Variants in ARHGEF10L observed in about 807,000 individuals in gnomAD.
ARHGEF10L encodes the protein rho guanine nucleotide exchange factor 10-like protein.
ARHGEF10L carries 69 observed loss-of-function variants against 141.2 expected under a neutral mutation model. The observed-to-expected ratio is 0.49, with a 90% confidence interval of 0.40 to 0.60. ARHGEF10L has a LOEUF of 0.60. Ranked by LOEUF, ARHGEF10L falls within the 20% of genes least tolerant of loss-of-function variation. ARHGEF10L has a pLI of 0.00. For synonymous variants in ARHGEF10L, 711 were observed against 718.5 expected, an observed-to-expected ratio of 0.99 and a Z score of 0.17; for missense variants, 1,482 against 1,734.3, an observed-to-expected ratio of 0.85 and a Z score of 2.58.
At position 17,607,554 on chromosome 1, in the gene ARHGEF10L, G is replaced by A. The variant is rs563045512; in HGVS notation, c.434-248G>A. Among the ~76,000 whole-genome samples, 2 of 152,334 alleles carry A rather than the reference G, an allele frequency of 1.3e-5. No homozygotes were observed. The highest frequency in any genetic ancestry group is 4.8e-5 in the African/African-American group (2 of 41,570). ...GTGCTGGGAGCAAAAGGAAGTGAGC[G>A]GGCTTGTGCACGTCTGACCCATTTC... On this transcript the variant is annotated intron_variant, in intron 6 of 28. Transcript: ENST00000361221. This position sits in a 1 kb window ranked among gnomAD's most constrained non-coding sequence, Gnocchi z 4.5.
intron 4 of ARHGEF10L, among the ~76,000 whole-genome samples, chr1:17,592,843 A>G (rs2079680766): frequency 6.6e-6 from 1 of 152,086 alleles, no homozygotes; most frequent in East Asian, 1.9e-4. Context: ...GACGTGAGGC[A>G]TGGCAGATAC....
intron 21 of ARHGEF10L, 49 bp downstream of exon 21, chr1:17,640,351 G>C (rs61764910): frequency 5.3e-6 from 8 of 1,508,178 alleles, no homozygotes; most frequent in Admixed American, 1.9e-5. Flanking sequence ...GGTGTGGAAC[G>C]GGGAGGTTTG....
rs1306474078 is a variant in ARHGEF10L, at chr1:17,619,455, G to A, written c.942+10G>A. 5.7e-6 allele frequency: 9 copies of A among 1,589,510 alleles called. No individual in the cohort carries two copies. Among genetic ancestry groups the A allele is most frequent in the Non-Finnish European group, 7.7e-6 (9 of 1,168,738 alleles). ...CCTGAGCCCTCAGCAGGTCTGTGGG[G>A]GAGTGGGGCAGGTGGGGGTCTGCAG... is the stretch of plus-strand genomic sequence containing the variant. On this transcript the variant is annotated intron_variant, in intron 10 of 28. Coordinates refer to ENST00000361221, the MANE Select transcript of ARHGEF10L (RefSeq NM_018125.4). This position sits in a 1 kb window ranked among gnomAD's most constrained non-coding sequence, Gnocchi z 5.0.
intron 8 of ARHGEF10L, among the ~76,000 whole-genome samples, chr1:17,614,598 C>A (rs986595955): frequency 3.3e-5 from 5 of 152,020 alleles, no homozygotes; most frequent in African/African-American, 1.2e-4. Flanking sequence ...GGGTGTGACC[C>A]CCTCCTCCCA....
At chr1:17,608,865 C>T (rs1052369671) in intron 7 of ARHGEF10L, among the ~76,000 whole-genome samples, 2 of 152,120 alleles carry the variant, frequency 1.3e-5, no homozygotes, top group Admixed American at 6.5e-5. Flanking sequence ...GCTCACTGTA[C>T]CCTCTGTTTC....
At chr1:17,518,005 ACTT>A in the ARHGEF10L span, among the ~76,000 whole-genome samples, 1 of 152,038 alleles carries the variant, frequency 6.6e-6, no homozygotes, top group Non-Finnish European at 1.5e-5. Flanking sequence ...GGGTCAGTAA[ACTT>A]CTCTGTAAAG....
intron 4 of ARHGEF10L, among the ~76,000 whole-genome samples, chr1:17,598,317 G>A (rs2080312591): frequency 6.6e-6 from 1 of 152,058 alleles, no homozygotes; most frequent in Admixed American, 6.5e-5. Context: ...GGCCAGGCTG[G>A]TCTCAAACTC....
At position 17,696,047 on chromosome 1, in the gene ARHGEF10L, A is replaced by T. The variant is rs143443319; in HGVS notation, c.3307+767A>T. On this transcript the variant is annotated intron_variant, in intron 28 of 28. Coordinates refer to ENST00000361221, the MANE Select transcript of ARHGEF10L (RefSeq NM_018125.4). ...CCCCATCTCTACTAAAAAATAAAAA[A>T]AAATAAAAATAAAAAATTAGCTGGG... 5.3e-3 allele frequency among the ~76,000 whole-genome samples: 805 copies of T among 152,138 alleles called. 6 individuals carry two copies. The highest frequency in any genetic ancestry group is 9.6e-3 in the African/African-American group (400 of 41,494).
At chr1:17,522,082 C>A in the ARHGEF10L span, among the ~76,000 whole-genome samples, 1 of 152,148 alleles carries the variant, frequency 6.6e-6, no homozygotes, top group South Asian at 2.1e-4. Flanking sequence ...ATCTTCGATA[C>A]CACTGTCAGG....
At chr1:17,522,590 G>A in the ARHGEF10L span, among the ~76,000 whole-genome samples, 1 of 151,960 alleles carries the variant, frequency 6.6e-6, no homozygotes, top group Non-Finnish European at 1.5e-5. Context: ...AAGTGTCAGG[G>A]CTGCTGAGGC....
intron 21 of ARHGEF10L, 103 bp downstream of exon 21, chr1:17,640,405 G>T (rs1274690174): frequency 4.0e-6 from 4 of 991,454 alleles, no homozygotes; most frequent in East Asian, 2.8e-5. Flanking sequence ...TCAGCGGGGG[G>T]CAGGGAGGCT....
chr1:17,540,409 A>G (rs1413116484), intron 1 of ARHGEF10L, among the ~76,000 whole-genome samples: 1 of 151,916 alleles, frequency 6.6e-6, no homozygotes, highest in Non-Finnish European at 1.5e-5. Flanking sequence ...ACCCCCGCCC[A>G]GAGGCGGAAC....
In ARHGEF10L at chr1:17,656,630, C is replaced by T. The variant is rs763452328; in HGVS notation, c.2782C>T (p.Leu928Phe). 6.2e-7 allele frequency: 1 copy of T among 1,613,702 alleles called. No individual in the cohort carries two copies. The highest frequency in any genetic ancestry group is 8.5e-7 in the Non-Finnish European group (1 of 1,180,034). ...SCRSPGLQPV[L>F]CLRHSPFHLL... ...CAGGAGCCCAGGTCTGCAGCCTGTG[C>T]TCTGCCTGCGACACAGCCCCTTCCA... Residue 928 changes from leucine (L) to phenylalanine (F), a missense_variant, in exon 25 of 29, where the codon CTC becomes TTC. This residue lies in a region of ARHGEF10L where 858 missense variants were observed against 966.3 expected (regional missense o/e 0.89). Coordinates refer to ENST00000361221, the MANE Select transcript of ARHGEF10L (RefSeq NM_018125.4). The surrounding 1 kb of genome is among the most constrained non-coding windows in gnomAD (Gnocchi z 4.9).
chr1:17,605,030 C>G (rs529216097), intron 6 of ARHGEF10L: 18 of 152,402 alleles, frequency 1.2e-4, no homozygotes, highest in Admixed American at 5.9e-4. Flanking sequence ...ATATGCTGGG[C>G]TGTGGGAGGA....
chr1:17,631,639 T>C (rs550668711), intron 15 of ARHGEF10L, among the ~76,000 whole-genome samples: 1 of 152,346 alleles, frequency 6.6e-6, no homozygotes, highest in African/African-American at 2.4e-5. Flanking sequence ...TCATCACACG[T>C]GACCCGTGTC....
At chr1:17,601,588 G>A (rs1431622204) in intron 4 of ARHGEF10L, among the ~76,000 whole-genome samples, 1 of 152,206 alleles carries the variant, frequency 6.6e-6, no homozygotes, top group Non-Finnish European at 1.5e-5. Flanking sequence ...TGGGGCTACA[G>A]GCATGCACCA....
Position 17,603,514 on chromosome 1 carries a change from G to T in ARHGEF10L, c.356G>T (p.Arg119Leu), listed in dbSNP as rs770896541. The part of the protein sequence containing the change: ...WKRKSSRRID[R>L]FTFPALEEDV... The stretch of plus-strand genomic sequence containing the variant: ...CTCCCCACTTCCCTCCCAGTTGACC[G>T]GTTCACTTTCCCCGCCCTGGAAGAG... Residue 119 changes from arginine (R) to leucine (L), a missense_variant, in exon 6 of 29, where the codon CGG becomes CTG. By Grantham distance (102) the Arg-to-Leu change is moderately radical (BLOSUM62 -2). Transcript: ENST00000361221. The surrounding 1 kb of genome is among the most constrained non-coding windows in gnomAD (Gnocchi z 4.8). The T allele has an allele frequency of 1.2e-6, 2 of 1,613,418 alleles. No individual in the cohort carries two copies. Among genetic ancestry groups the T allele is most frequent in the South Asian group, 1.1e-5 (1 of 90,872 alleles).
rs1049518607 is a variant in ARHGEF10L, at chr1:17,571,358, C to T, written c.-43-9195C>T. ...TGACCTCGTGAGCTGGCTGGCAAAG[C>T]GGTGGGCACACACTTGGTTGGGAAT... On this transcript the variant is annotated intron_variant, in intron 1 of 28. Coordinates refer to ENST00000361221, the MANE Select transcript of ARHGEF10L (RefSeq NM_018125.4). Among the ~76,000 whole-genome samples, 72 of 152,106 alleles carry T rather than the reference C, an allele frequency of 4.7e-4. 1 individual carries two copies. The highest frequency in any genetic ancestry group is 6.8e-3 in the Middle Eastern group (2 of 294).
At chr1:17,624,051 G>T (rs536879884) in intron 12 of ARHGEF10L, among the ~76,000 whole-genome samples, 4 of 152,184 alleles carry the variant, frequency 2.6e-5, no homozygotes, top group African/African-American at 4.8e-5. Context: ...AGTAGAAGGG[G>T]TGTTCCCCCT....
Sources: gnomAD v4.1 joint callset for allele counts (sites outside exome capture counted in the v4.1 genomes callset) on GRCh38, gnomAD v4.1.1 for gene constraint, gnomAD v4.1.1 regional missense constraint, Gnocchi (gnomAD v3.1) non-coding constraint, MANE v1.5 for transcripts, NCBI Gene and HGNC (gene_info 2026-07-23, HGNC 2026-07-21) for gene names.